Variants in NALF1 observed in about 807,000 individuals in gnomAD.
NALF1 encodes the protein NALCN channel auxiliary factor 1, also known as family with sequence similarity 155 member A.
NALF1 carries 3 observed loss-of-function variants against 48.4 expected under a neutral mutation model. The observed-to-expected ratio is 0.06, with a 90% CI of 0.03 to 0.16. The LOEUF (loss-of-function observed/expected upper bound fraction) is 0.16, where lower values mean the gene tolerates loss of function less well. NALF1 is among the 10% of genes least tolerant of loss of function. The pLI is 1.00. For missense variants in NALF1, 526 were observed against 571.5 expected, an observed-to-expected ratio of 0.92 and a Z score of 0.81; for synonymous variants, 262 against 245.7, an observed-to-expected ratio of 1.07 and a Z score of -0.62.
rs148655934 is a variant in NALF1, at chr13:107,469,603, C to T, written c.916-258848G>A. Among the ~76,000 whole-genome samples the T allele has an allele frequency of 1.2e-3, 183 of 151,968 alleles. 1 individual carries two copies. The highest frequency in any genetic ancestry group is 4.2e-3 in the African/African-American group (174 of 41,420). ...TCTGGATTACTTATAATACCAAGTA[C>T]AATATAAATATTATGTAAATAGCTG... On this transcript the variant is annotated intron_variant, in intron 1 of 2. Coordinates refer to ENST00000375915, the MANE Select transcript of NALF1 (RefSeq NM_001080396.3).
At chr13:107,522,160 C>G (rs934584188) in intron 1 of NALF1, among the ~76,000 whole-genome samples, 41 of 152,192 alleles carry the variant, frequency 2.7e-4, no homozygotes, top group Admixed American at 2.7e-3. Context: ...ATGGATTTAT[C>G]TGTTGACCAC....
At chr13:107,706,466 T>C (rs1245457559) in intron 1 of NALF1, among the ~76,000 whole-genome samples, 1 of 152,248 alleles carries the variant, frequency 6.6e-6, no homozygotes, top group Admixed American at 6.5e-5. Flanking sequence ...AAGATGAGTT[T>C]TATTCTAAAG....
intron 1 of NALF1, among the ~76,000 whole-genome samples, chr13:107,449,614 T>C (rs754446870): frequency 3.7e-4 from 56 of 152,184 alleles, no homozygotes; most frequent in Admixed American, 2.5e-3. Flanking sequence ...TTGAATCTAT[T>C]GTGAAGATCT....
At chr13:107,361,901 G>C (rs1206015538) in intron 1 of NALF1, among the ~76,000 whole-genome samples, 1 of 152,124 alleles carries the variant, frequency 6.6e-6, no homozygotes, top group Non-Finnish European at 1.5e-5. Flanking sequence ...GGCAATGGAG[G>C]GTGAGTAAAA....
At chr13:107,305,643 G>T (rs1195408847) in intron 1 of NALF1, among the ~76,000 whole-genome samples, 1 of 152,090 alleles carries the variant, frequency 6.6e-6, no homozygotes, top group Non-Finnish European at 1.5e-5. Flanking sequence ...AACCCACATG[G>T]TCTCATTGAA....
intron 1 of NALF1, among the ~76,000 whole-genome samples, chr13:107,479,151 TG>T (rs1362468484): frequency 9.8e-5 from 15 of 152,288 alleles, no homozygotes; most frequent in Non-Finnish European, 1.8e-4. Flanking sequence ...GAGAGGCAGC[TG>T]CTGCATGTTC....
At chr13:107,786,142 G>C (rs1423596213) in intron 1 of NALF1, among the ~76,000 whole-genome samples, 1 of 152,116 alleles carries the variant, frequency 6.6e-6, no homozygotes, top group Non-Finnish European at 1.5e-5. Flanking sequence ...AATGGGCAGG[G>C]TGAGGTGCTC....
intron 1 of NALF1, among the ~76,000 whole-genome samples, chr13:107,301,305 A>T (rs1263379877): frequency 6.6e-6 from 1 of 152,200 alleles, no homozygotes; most frequent in East Asian, 1.9e-4. Flanking sequence ...ACCACTCAGC[A>T]ATCTGATATT....
chr13:107,501,790 T>C (rs181409700), intron 1 of NALF1, among the ~76,000 whole-genome samples: 33 of 152,330 alleles, frequency 2.2e-4, no homozygotes, highest in African/African-American at 7.0e-4. Flanking sequence ...AATGTGAATA[T>C]GTCTTTTTAG....
chr13:107,764,120 T>C (rs1877354421), intron 1 of NALF1, among the ~76,000 whole-genome samples: 1 of 152,110 alleles, frequency 6.6e-6, no homozygotes, highest in Non-Finnish European at 1.5e-5. Context: ...GTGAAAACAT[T>C]ATGGAAACTG....
chr13:107,818,595 G>A (rs896787101), intron 1 of NALF1, among the ~76,000 whole-genome samples: 13 of 151,712 alleles, frequency 8.6e-5, no homozygotes, highest in East Asian at 3.9e-4. Flanking sequence ...AGTTGAGGCC[G>A]GGCGCGGTGG....
At chr13:107,607,164 C>A (rs778309161) in intron 1 of NALF1, among the ~76,000 whole-genome samples, 1 of 152,128 alleles carries the variant, frequency 6.6e-6, no homozygotes, top group Non-Finnish European at 1.5e-5. Flanking sequence ...ATGTAGGAAA[C>A]CTAAATCCAA....
At chr13:107,627,670 A>G (rs1879714570) in intron 1 of NALF1, among the ~76,000 whole-genome samples, 1 of 152,138 alleles carries the variant, frequency 6.6e-6, no homozygotes, top group Non-Finnish European at 1.5e-5. Flanking sequence ...GGTTACATGC[A>G]ACAAAAAGTC....
chr13:107,328,166 C>T (rs1021585944), intron 1 of NALF1, among the ~76,000 whole-genome samples: 4 of 152,044 alleles, frequency 2.6e-5, no homozygotes, highest in African/African-American at 9.7e-5. Context: ...GATCTACCCA[C>T]CTCGACCTCC....
At chr13:107,252,456 C>G (rs1033523785) in intron 1 of NALF1, among the ~76,000 whole-genome samples, 1 of 148,696 alleles carries the variant, frequency 6.7e-6, no homozygotes, top group Non-Finnish European at 1.5e-5. Flanking sequence ...GGGACAGACA[C>G]AGAGAGGAGA....
chr13:107,336,978 G>A (rs977205501), intron 1 of NALF1, among the ~76,000 whole-genome samples: 3 of 141,252 alleles, frequency 2.1e-5, no homozygotes, highest in East Asian at 2.1e-4. Context: ...TTAGAAACCC[G>A]CATTGTTCTT....
intron 1 of NALF1, among the ~76,000 whole-genome samples, chr13:107,631,439 A>G (rs1208938778): frequency 6.6e-6 from 1 of 152,198 alleles, no homozygotes; most frequent in Non-Finnish European, 1.5e-5. Flanking sequence ...CTTTTATGAC[A>G]GCAGCTAAAT....
chr13:107,807,789 T>G (rs1175494094), intron 1 of NALF1, among the ~76,000 whole-genome samples: 1 of 152,154 alleles, frequency 6.6e-6, no homozygotes, highest in Non-Finnish European at 1.5e-5. Flanking sequence ...AGGGGTATTG[T>G]AAAACGCAAA....
At chr13:107,822,844 C>A (rs1594293772) in intron 1 of NALF1, among the ~76,000 whole-genome samples, 1 of 152,116 alleles carries the variant, frequency 6.6e-6, no homozygotes, top group African/African-American at 2.4e-5. Flanking sequence ...AAAAGATGAA[C>A]CCAAAGATTG....
Sources: gnomAD v4.1 joint callset for allele counts (sites outside exome capture counted in the v4.1 genomes callset) on GRCh38, gnomAD v4.1.1 for gene constraint, MANE v1.5 for transcripts, NCBI Gene and HGNC (gene_info 2026-07-23, HGNC 2026-07-21) for gene names.